Variants in PCDHGB4 observed in about 807,000 individuals in gnomAD.
PCDHGB4 encodes protocadherin gamma-B4.
PCDHGB4 carries 38 observed loss-of-function variants against 60.5 expected under a neutral mutation model. The ratio of observed to expected loss-of-function variants is 0.63; its 90% confidence interval spans 0.48 to 0.82. The LOEUF (loss-of-function observed/expected upper bound fraction) is 0.82. Among genes scored for constraint, PCDHGB4 ranks in the 40% least tolerant of loss-of-function variants. The probability of loss-of-function intolerance (pLI) is 0.00; values close to 1 mark genes in which losing one functional copy is unlikely to be tolerated. For missense variants in PCDHGB4, 1,109 were observed against 1,209.6 expected (o/e 0.92, Z 1.23); for synonymous variants, 456 against 509.7 (o/e 0.89, Z 1.42).
At chr5:141,482,957 C>A (rs2099575063) in intron 1 of PCDHGB4, among the ~76,000 whole-genome samples, 2 of 57,944 alleles carry the variant, frequency 3.5e-5, no homozygotes, top group Admixed American at 1.5e-4. Context: ...CCTGTAATTC[C>A]AGCTACTTGA....
chr5:141,502,514 T>A (rs2099814743), intron 2 of PCDHGB4, among the ~76,000 whole-genome samples: 1 of 152,202 alleles, frequency 6.6e-6, no homozygotes, highest in African/African-American at 2.4e-5. Flanking sequence ...TGTCCCACTA[T>A]CAGTGATGCC....
intron 1 of PCDHGB4, among the ~76,000 whole-genome samples, chr5:141,446,394 A>C (rs796472404): frequency 1.1e-4 from 17 of 152,344 alleles, no homozygotes; most frequent in African/African-American, 3.4e-4. Context: ...ATTTAAGAGA[A>C]ATCGAGTTGA....
intron 1 of PCDHGB4, among the ~76,000 whole-genome samples, chr5:141,474,763 A>G (rs2099354251): frequency 6.6e-6 from 1 of 152,254 alleles, no homozygotes; most frequent in Non-Finnish European, 1.5e-5. Flanking sequence ...ATATACAGAA[A>G]TAGTATGAGG....
chr5:141,410,793 G>T, intron 1 of PCDHGB4: 2 of 637,704 alleles, frequency 3.1e-6, no homozygotes, highest in Admixed American at 4.3e-5. Flanking sequence ...TGGTTCATAA[G>T]TTGCTCTATC....
intron 1 of PCDHGB4, among the ~76,000 whole-genome samples, chr5:141,397,322 AATT>A (rs1264296504): frequency 6.6e-6 from 1 of 152,188 alleles, no homozygotes; most frequent in Non-Finnish European, 1.5e-5. Flanking sequence ...AGTAAAGAAA[AATT>A]ATTTTTATAA....
At chr5:141,495,779 C>A (rs529564820) in intron 2 of PCDHGB4, among the ~76,000 whole-genome samples, 53 of 152,094 alleles carry the variant, frequency 3.5e-4, no homozygotes, top group Non-Finnish European at 4.6e-4. Flanking sequence ...TCCTGGACCT[C>A]TTTTCTGTTT....
intron 1 of PCDHGB4, chr5:141,421,280 G>A (rs564480755): frequency 1.2e-6 from 2 of 1,612,948 alleles, no homozygotes; most frequent in South Asian, 2.2e-5. Context: ...CTGCTGCTGT[G>A]CATTTTCCTG....
chr5:141,428,632 G>A (rs574049916), intron 1 of PCDHGB4: 35 of 182,522 alleles, frequency 1.9e-4, no homozygotes, highest in African/African-American at 7.6e-4. Context: ...CTCTAACTCT[G>A]TTGCTCCTAC....
intron 1 of PCDHGB4, chr5:141,399,668 G>A (rs756009874): frequency 1.7e-5 from 28 of 1,613,644 alleles, no homozygotes; most frequent in Non-Finnish European, 8.5e-7. Flanking sequence ...TTCGCGCAGC[G>A]CGCCTTTGAC....
Position 141,432,811 on chromosome 5 carries a change from T to G in PCDHGB4, c.2397+42530T>G. Reference sequence around the variant, plus strand: ...GCAGCCTCGAGTCTCCAGCTAACTCTGAAACCTCAGACCTCACTCTGTACC... The same window carrying G: ...GCAGCCTCGAGTCTCCAGCTAACTCGGAAACCTCAGACCTCACTCTGTACC... On this transcript the variant is annotated intron_variant, in intron 1 of 3. Transcript: ENST00000519479. The surrounding 1 kb of genome is among the most constrained non-coding windows in gnomAD (Gnocchi z 6.0). 1 of 1,614,126 alleles carries G rather than the reference T, an allele frequency of 6.2e-7. No homozygotes were observed. Among genetic ancestry groups the G allele is most frequent in the Non-Finnish European group, 8.5e-7 (1 of 1,179,988 alleles).
chr5:141,389,794 G>A lies in PCDHGB4; in HGVS notation c.1910G>A (p.Arg637His), dbSNP rs1015982333. The change falls in exon 1 of 4, where the codon CGC becomes CAC. Residue 637 changes from arginine to histidine, a missense_variant. This residue lies in a region of PCDHGB4 where 1,068 missense variants were observed against 1,089.9 expected (regional missense o/e 0.98). Transcript: ENST00000519479. ...GCCTTAGGCGACAGGGACGCCGTCC[G>A]CCAGCGCCTTCTGGTCGCCGTGCGT... ...ARALGDRDAV[R>H]QRLLVAVRDG... 1.3e-5 allele frequency: 21 copies of A among 1,613,396 alleles called. No individual in the cohort carries two copies. Among genetic ancestry groups the A allele is most frequent in the East Asian group, 2.2e-5 (1 of 44,886 alleles).
chr5:141,442,047 G>A (rs186626119), intron 1 of PCDHGB4: 64 of 202,912 alleles, frequency 3.2e-4, no homozygotes, highest in Admixed American at 9.3e-4. Context: ...GCGCCTACTG[G>A]TCGCGGTGCA....
At chr5:141,430,996 G>C in intron 1 of PCDHGB4, 8 of 1,614,024 alleles carry the variant, frequency 5.0e-6, no homozygotes, top group Middle Eastern at 3.3e-4. Context: ...CCCTGAATCC[G>C]CGCAGCGGCA....
At chr5:141,430,661 G>A in intron 1 of PCDHGB4, 1 of 1,159,744 alleles carries the variant, frequency 8.6e-7, no homozygotes, top group South Asian at 2.1e-5. Context: ...CAACGGAGGA[G>A]CTCTGACTTC....
Position 141,476,437 on chromosome 5 carries a change from T to C in PCDHGB4, c.2398-18370T>C, listed in dbSNP as rs1260141259. The C allele has an allele frequency of 6.2e-7, 1 of 1,614,004 alleles. No homozygotes were observed. Among genetic ancestry groups the C allele is most frequent in the East Asian group, 2.2e-5 (1 of 44,836 alleles). ...GGACACTGCCCTCTTGCACTGTAAC[T>C]CTGGAGTTGGTAGTGGAGAACCCGC... On this transcript the variant is annotated intron_variant, in intron 1 of 3. Transcript: ENST00000519479. This position sits in a 1 kb window ranked among gnomAD's most constrained non-coding sequence, Gnocchi z 7.6.
intron 1 of PCDHGB4, chr5:141,422,767 G>T: frequency 6.2e-7 from 1 of 1,613,786 alleles, no homozygotes; most frequent in Non-Finnish European, 8.5e-7. Context: ...CAACACTGGT[G>T]TTCTCTATGC....
At chr5:141,500,782 T>G (rs2099802612) in intron 2 of PCDHGB4, among the ~76,000 whole-genome samples, 2 of 152,222 alleles carry the variant, frequency 1.3e-5, no homozygotes, top group Admixed American at 1.3e-4. Context: ...ATATACATAT[T>G]ATTTTACAGA....
chr5:141,423,310 G>C, intron 1 of PCDHGB4: 2 of 1,614,180 alleles, frequency 1.2e-6, no homozygotes, highest in Non-Finnish European at 1.7e-6. Context: ...GCTGTACTTG[G>C]TGGTGGCGGT....
At chr5:141,394,446 A>C in intron 1 of PCDHGB4, 1 of 1,614,246 alleles carries the variant, frequency 6.2e-7, no homozygotes, top group Non-Finnish European at 8.5e-7. Flanking sequence ...CCTCAGCAGC[A>C]ACATGTCACT....
Sources: allele counts gnomAD v4.1 joint callset (sites outside exome capture counted in the v4.1 genomes callset), GRCh38; gene constraint gnomAD v4.1.1; regional missense constraint gnomAD v4.1.1; non-coding constraint Gnocchi (gnomAD v3.1); transcripts MANE v1.5; gene names NCBI Gene and HGNC (gene_info 2026-07-23, HGNC 2026-07-21).